Variants in CFAP52 observed in about 807,000 individuals in gnomAD.
The protein encoded by CFAP52 is cilia and flagella associated protein 52, also known as cilia- and flagella-associated protein 52.
CFAP52 carries 57 observed loss-of-function variants against 70.5 expected under a neutral mutation model. The observed-to-expected ratio is 0.81, with a 90% CI of 0.65 to 1.01. The LOEUF is 1.01. Among genes scored for constraint, CFAP52 ranks in the 50% least tolerant of loss-of-function variants. CFAP52 has a pLI of 0.00. For missense variants in CFAP52, 785 were observed against 788.5 expected, an observed-to-expected ratio of 1.00 and a Z score of 0.05; for synonymous variants, 267 against 292.5, an observed-to-expected ratio of 0.91 and a Z score of 0.89.
intron 1 of CFAP52, among the ~76,000 whole-genome samples, chr17:9,578,124 T>A (rs965223826): frequency 5.3e-5 from 8 of 151,724 alleles, no homozygotes; most frequent in African/African-American, 1.9e-4. Context: ...CAAACAAACA[T>A]ACATATTCAA....
chr17:9,631,028 A>AG (rs1910479353), intron 9 of CFAP52, among the ~76,000 whole-genome samples: 1 of 44,732 alleles, frequency 2.2e-5, no homozygotes, highest in Non-Finnish European at 3.8e-5. Context: ...GAAAGAAAGA[A>AG]AGAGAGAGAG....
rs1486131677 is a variant in CFAP52, at chr17:9,592,505, A to G, written c.408-1688A>G. Among the ~76,000 whole-genome samples, 3 of 152,000 alleles carry G rather than the reference A, an allele frequency of 2.0e-5. No homozygotes were observed. The East Asian group carries it at 5.8e-4, about 29-fold the overall frequency. On this transcript the variant is annotated intron_variant, in intron 3 of 13. Coordinates refer to ENST00000352665, the MANE Select transcript of CFAP52 (RefSeq NM_145054.5). Reference sequence around the variant, plus strand: ...AAAAATAAAAAGAAACCCCGTACCCATTAGCAATCACTCTCCATCCCTCCT... The same window carrying G: ...AAAAATAAAAAGAAACCCCGTACCCGTTAGCAATCACTCTCCATCCCTCCT...
chr17:9,634,108 C>T (rs1221931514), intron 10 of CFAP52, among the ~76,000 whole-genome samples: 1 of 152,162 alleles, frequency 6.6e-6, no homozygotes. Context: ...GGCTGTAACA[C>T]CTTTTGCTCA....
At chr17:9,637,233 C>T (rs758206948) in intron 11 of CFAP52, among the ~76,000 whole-genome samples, 34 of 152,184 alleles carry the variant, frequency 2.2e-4, no homozygotes, top group Non-Finnish European at 2.2e-4. Flanking sequence ...AAGGACCACA[C>T]TTGTAGGAAG....
At position 9,598,277 on chromosome 17, in the gene CFAP52, A is replaced by C; in HGVS notation, c.580A>C (p.Ile194Leu). Residue 194 changes from isoleucine to leucine, a missense_variant, in exon 5 of 14, where the codon ATC becomes CTC. By Grantham distance (5) the Ile-to-Leu change is conservative. Coordinates refer to ENST00000352665, the MANE Select transcript of CFAP52 (RefSeq NM_145054.5). ...GGAATTGGATCTTCCAAATAGAAAA[A>C]TCTGGCCAACTGAGTGCCAAACAGG... ...VWELDLPNRK[I>L]WPTECQTGQL... 1 of 1,613,464 alleles carries C rather than the reference A, an allele frequency of 6.2e-7. No homozygotes were observed. The highest frequency in any genetic ancestry group is 1.7e-4 in the Middle Eastern group (1 of 6,060).
chr17:9,590,847 C>T (rs1908714079), intron 3 of CFAP52, among the ~76,000 whole-genome samples: 1 of 151,886 alleles, frequency 6.6e-6, no homozygotes. Flanking sequence ...GCAATATGCC[C>T]ATCCCTGGAT....
At chr17:9,632,683 G>A (rs1478423718) in intron 9 of CFAP52, among the ~76,000 whole-genome samples, 1 of 147,714 alleles carries the variant, frequency 6.8e-6, no homozygotes. Flanking sequence ...GGAAGACTCA[G>A]GCTGTTGGCT....
chr17:9,586,087 C>G, intron 2 of CFAP52, 115 bp downstream of exon 2: 1 of 1,097,708 alleles, frequency 9.1e-7, no homozygotes, highest in African/African-American at 1.6e-5. Flanking sequence ...CTTCCTTCTT[C>G]TTCTTTTTGA....
intron 11 of CFAP52, among the ~76,000 whole-genome samples, chr17:9,636,198 A>G (rs1910781455): frequency 8.4e-6 from 1 of 118,796 alleles, no homozygotes; most frequent in South Asian, 2.9e-4. Flanking sequence ...AAAGAAAGAA[A>G]GAAAGAAAGA....
At chr17:9,590,202 C>A in intron 3 of CFAP52, 1 of 180,660 alleles carries the variant, frequency 5.5e-6, no homozygotes, top group Non-Finnish European at 1.2e-5. Flanking sequence ...TCATTCTCCT[C>A]ATCCAGGTTA....
rs1236370786 is a variant in CFAP52 at position 9,635,687 on chromosome 17, T to C, written c.1472+131T>C. Reference sequence around the variant, plus strand: ...TTAAGGCAACACAGTAAAGGGATGTTCATCAGAAGCCGTTCATGACGGTCC... The same window carrying C: ...TTAAGGCAACACAGTAAAGGGATGTCCATCAGAAGCCGTTCATGACGGTCC... On this transcript the variant is annotated intron_variant, in intron 11 of 13. Coordinates refer to ENST00000352665, the MANE Select transcript of CFAP52 (RefSeq NM_145054.5). The C allele has an allele frequency of 2.5e-6, 3 of 1,202,644 alleles. No individual in the cohort carries two copies. The African/African-American group carries it at 4.5e-5, about 18-fold the overall frequency. 74.5% of individuals were successfully genotyped at this position (1,202,644 alleles called of 1,614,324 possible). A position where few individuals can be genotyped will look rare whatever the true frequency, so the allele number is the denominator to read the frequency against.
At position 9,628,745 on chromosome 17, in the gene CFAP52, C is replaced by G. The variant is rs768387591; in HGVS notation, c.1099C>G (p.Leu367Val). 28 of 1,614,048 alleles carry G rather than the reference C, an allele frequency of 1.7e-5. No individual in the cohort carries two copies. Among genetic ancestry groups the G allele is most frequent in the Non-Finnish European group, 2.3e-5 (27 of 1,180,040 alleles). ...GTGGCACACATCATCCAACAGGGAG[C>G]TGCTGCGGATCACCGTGCCCAACAT... The part of the protein sequence containing the change: ...RVWHTSSNRE[L>V]LRITVPNMTC... Residue 367 changes from leucine (L) to valine (V), a missense_variant, in exon 9 of 14, where the codon CTG (leucine) becomes GTG (valine). Physicochemically the swap from Leu to Val is conservative, Grantham distance 32. Transcript: ENST00000352665.
intron 8 of CFAP52, among the ~76,000 whole-genome samples, chr17:9,616,100 A>C (rs1432952174): frequency 1.3e-5 from 2 of 150,910 alleles, no homozygotes; most frequent in East Asian, 4.0e-4. Flanking sequence ...GGTTCATCTC[A>C]CTAGGGAGTG....
intron 6 of CFAP52, among the ~76,000 whole-genome samples, chr17:9,603,613 C>T (rs528606180): frequency 6.6e-6 from 1 of 152,286 alleles, no homozygotes; most frequent in African/African-American, 2.4e-5. Flanking sequence ...ATAAACATCC[C>T]AGCAAGTTAT....
intron 1 of CFAP52, among the ~76,000 whole-genome samples, chr17:9,581,990 C>T (rs1195200532): frequency 6.6e-6 from 1 of 152,156 alleles, no homozygotes; most frequent in Non-Finnish European, 1.5e-5. Context: ...AAACTTCCTG[C>T]CAGTTGTGTG....
downstream of CFAP52, chr17:9,645,046 AG>A (rs1340758226): frequency 6.6e-6 from 1 of 152,124 alleles, no homozygotes; most frequent in Non-Finnish European, 1.5e-5. This position sits in a 1 kb window ranked among gnomAD's most constrained non-coding sequence, Gnocchi z 6.8. Context: ...CCTCCCCCCA[AG>A]GGGCAGACGG....
At chr17:9,593,738 G>A (rs1908868504) in intron 3 of CFAP52, among the ~76,000 whole-genome samples, 1 of 152,064 alleles carries the variant, frequency 6.6e-6, no homozygotes, top group South Asian at 2.1e-4. Flanking sequence ...TTACAGATGT[G>A]AGCCATCGCT....
chr17:9,602,174 C>T (rs538578044), intron 6 of CFAP52, among the ~76,000 whole-genome samples: 50 of 152,038 alleles, frequency 3.3e-4, no homozygotes, highest in Admixed American at 1.4e-3. Context: ...ATGTGCAGAC[C>T]GTGCAGGTTT....
intron 8 of CFAP52, among the ~76,000 whole-genome samples, chr17:9,616,591 G>C (rs1026089357): frequency 1.3e-5 from 2 of 149,414 alleles, no homozygotes; most frequent in African/African-American, 2.5e-5. Context: ...GCAGACTTAC[G>C]TGTCCCTGTC....
Sources: gnomAD v4.1 joint callset for allele counts (sites outside exome capture counted in the v4.1 genomes callset) on GRCh38, gnomAD v4.1.1 for gene constraint, Gnocchi (gnomAD v3.1) non-coding constraint, MANE v1.5 for transcripts, NCBI Gene and HGNC (gene_info 2026-07-23, HGNC 2026-07-21) for gene names.